AGPS: variants seen among roughly 807,000 people sequenced by gnomAD.
AGPS encodes alkyldihydroxyacetonephosphate synthase, peroxisomal.
In AGPS, 26 loss-of-function variants were observed where a neutral mutation model predicts 90.7. That is an observed-to-expected ratio of 0.29 (90% CI 0.21 to 0.40). AGPS has a LOEUF of 0.40. Ranked by LOEUF, AGPS falls within the 10% of genes least tolerant of loss-of-function variation. The pLI is 1.00. For missense variants in AGPS, 540 were observed against 816.1 expected (o/e 0.66, Z 4.12); for synonymous variants, 294 against 285.3 (o/e 1.03, Z -0.31).
At chr2:177,522,164 C>T (rs531291600) in intron 18 of AGPS, among the ~76,000 whole-genome samples, 1 of 152,114 alleles carries the variant, frequency 6.6e-6, no homozygotes, top group South Asian at 2.1e-4. Flanking sequence ...CATATGTATA[C>T]ACCTGTGAAA....
chr2:177,438,569 C>G (rs1164487686), intron 5 of AGPS, among the ~76,000 whole-genome samples: 1 of 152,032 alleles, frequency 6.6e-6, no homozygotes, highest in African/African-American at 2.4e-5. Flanking sequence ...TTTTTTCATC[C>G]CAGTTTCCAA....
intron 8 of AGPS, among the ~76,000 whole-genome samples, chr2:177,456,602 G>A (rs577990682): frequency 6.6e-6 from 1 of 152,022 alleles, no homozygotes; most frequent in Non-Finnish European, 1.5e-5. Context: ...GGAACATCTG[G>A]TTTTTTTGGT....
intron 19 of AGPS, among the ~76,000 whole-genome samples, chr2:177,526,693 A>C (rs1172577240): frequency 1.3e-5 from 2 of 152,216 alleles, no homozygotes; most frequent in African/African-American, 4.8e-5. Flanking sequence ...TGATGGGATT[A>C]TATTATTGCT....
At chr2:177,428,720 C>A (rs1266806617) in intron 2 of AGPS, among the ~76,000 whole-genome samples, 4 of 152,040 alleles carry the variant, frequency 2.6e-5, no homozygotes, top group Non-Finnish European at 4.4e-5. Context: ...TTGTAGGTGA[C>A]CTGGCCTTTC....
chr2:177,527,125 A>AT (rs972211364), intron 19 of AGPS, among the ~76,000 whole-genome samples: 3 of 151,714 alleles, frequency 2.0e-5, no homozygotes, highest in South Asian at 2.1e-4. Flanking sequence ...CATGTAATTA[A>AT]TTTTTTTTTA....
chr2:177,511,880 A>C (rs1412996819), intron 16 of AGPS, among the ~76,000 whole-genome samples: 1 of 152,160 alleles, frequency 6.6e-6, no homozygotes, highest in East Asian at 1.9e-4. Context: ...ACTATCAGTG[A>C]GGGTTTAGAT....
intron 5 of AGPS, among the ~76,000 whole-genome samples, chr2:177,439,903 C>T (rs1574368855): frequency 6.6e-6 from 1 of 152,142 alleles, no homozygotes; most frequent in Non-Finnish European, 1.5e-5. Flanking sequence ...GTCTTAGCAC[C>T]TCTTGCTTGG....
intron 19 of AGPS, among the ~76,000 whole-genome samples, chr2:177,532,503 A>C (rs1367704335): frequency 2.0e-5 from 3 of 152,178 alleles, no homozygotes; most frequent in African/African-American, 7.2e-5. Context: ...TCACTCGTAC[A>C]TTGCTTGGGG....
intron 10 of AGPS, among the ~76,000 whole-genome samples, chr2:177,477,821 A>T (rs1254758068): frequency 6.6e-6 from 1 of 152,128 alleles, no homozygotes; most frequent in Non-Finnish European, 1.5e-5. Context: ...CATATATCAC[A>T]TTTGTATATG....
At chr2:177,454,488 C>G (rs534057959) in intron 8 of AGPS, among the ~76,000 whole-genome samples, 8 of 151,560 alleles carry the variant, frequency 5.3e-5, no homozygotes, top group African/African-American at 1.7e-4. Context: ...CTGTGTCTAA[C>G]GTCTGTGTTA....
chr2:177,520,450 C>G (rs1689147696), intron 17 of AGPS, among the ~76,000 whole-genome samples: 1 of 152,166 alleles, frequency 6.6e-6, no homozygotes, highest in Admixed American at 6.5e-5. Context: ...GTGACGGAGC[C>G]AATGAAAGGA....
At chr2:177,463,346 A>T (rs1023184879) in intron 9 of AGPS, among the ~76,000 whole-genome samples, 1 of 152,218 alleles carries the variant, frequency 6.6e-6, no homozygotes, top group East Asian at 1.9e-4. Flanking sequence ...TAAAGGACAT[A>T]AAATGAAAAC....
intron 16 of AGPS, 72 bp from the exon 17 acceptor site, chr2:177,513,747 A>C (rs1334023068): frequency 1.7e-6 from 2 of 1,142,922 alleles, no homozygotes. Context: ...ATGCCAGATT[A>C]ACCAACGTTT....
intron 1 of AGPS, among the ~76,000 whole-genome samples, chr2:177,405,822 T>C (rs749496900): frequency 8.2e-6 from 1 of 121,400 alleles, no homozygotes; most frequent in Non-Finnish European, 1.7e-5. Flanking sequence ...TGAACTGTAA[T>C]AGCTTTTACC....
intron 6 of AGPS, among the ~76,000 whole-genome samples, chr2:177,441,700 G>T (rs1686607069): frequency 6.6e-6 from 1 of 152,144 alleles, no homozygotes; most frequent in South Asian, 2.1e-4. Flanking sequence ...ACTTATGGAA[G>T]TATCAGTCAA....
chr2:177,448,249 C>T lies in AGPS; in HGVS notation c.870+2623C>T, dbSNP rs796519627. Reference sequence around the variant, plus strand: ...GTTTCTTTACCTATAAAGTGGGTATCATAATTCCTACTTCGTGGGGTTTTT... The same window carrying T: ...GTTTCTTTACCTATAAAGTGGGTATTATAATTCCTACTTCGTGGGGTTTTT... On this transcript the variant is annotated intron_variant, in intron 8 of 19. Transcript: ENST00000264167. Among the ~76,000 whole-genome samples, 5 of 152,136 alleles carry T rather than the reference C, an allele frequency of 3.3e-5. No homozygotes were observed. In the East Asian group the frequency reaches 9.6e-4, roughly 29 times the overall value.
intron 15 of AGPS, 119 bp from the exon 16 acceptor site, chr2:177,507,851 A>G: frequency 3.8e-6 from 3 of 786,894 alleles, no homozygotes; most frequent in Non-Finnish European, 6.7e-6. Flanking sequence ...GATAGTAAAG[A>G]GTGGATGAAG....
chr2:177,402,917 C>T (rs1213145453), intron 1 of AGPS, among the ~76,000 whole-genome samples: 3 of 152,008 alleles, frequency 2.0e-5, no homozygotes, highest in African/African-American at 7.3e-5. Context: ...ATTAGCCAGG[C>T]GTGGTGGTGC....
intron 11 of AGPS, among the ~76,000 whole-genome samples, chr2:177,489,595 T>A (rs1688192149): frequency 6.6e-6 from 1 of 152,156 alleles, no homozygotes; most frequent in South Asian, 2.1e-4. Flanking sequence ...GAAGTCATCG[T>A]GGTTATTTAT....
Sources: allele counts gnomAD v4.1 joint callset (sites outside exome capture counted in the v4.1 genomes callset), GRCh38; gene constraint gnomAD v4.1.1; transcripts MANE v1.5; gene names NCBI Gene and HGNC (gene_info 2026-07-23, HGNC 2026-07-21).